Variants in CSTPP1 observed in about 807,000 individuals in gnomAD.
The protein encoded by CSTPP1 is centriolar satellite-associated tubulin polyglutamylase complex regulator 1.
the CSTPP1 span, among the ~76,000 whole-genome samples, chr11:47,073,723 G>T: frequency 6.6e-6 from 1 of 152,168 alleles, no homozygotes; most frequent in East Asian, 1.9e-4. Flanking sequence ...AATATGATTT[G>T]TGATGGAGAA....
At chr11:47,102,486 C>T in the CSTPP1 span, among the ~76,000 whole-genome samples, 2 of 127,054 alleles carry the variant, frequency 1.6e-5, no homozygotes, top group South Asian at 4.9e-4. Context: ...CTTTGGGAGG[C>T]AAAAAAAAAA....
chr11:47,093,679 G>A, the CSTPP1 span, among the ~76,000 whole-genome samples: 1 of 152,100 alleles, frequency 6.6e-6, no homozygotes, highest in African/African-American at 2.4e-5. Context: ...CTTGGTCTTG[G>A]GTAAGTTCCT....
the CSTPP1 span, among the ~76,000 whole-genome samples, chr11:47,021,923 G>A: frequency 6.6e-6 from 1 of 152,082 alleles, no homozygotes; most frequent in Non-Finnish European, 1.5e-5. Context: ...TCTTCTGAGA[G>A]TTGTGGCCCA....
the CSTPP1 span, among the ~76,000 whole-genome samples, chr11:47,030,806 G>GATA: frequency 2.0e-5 from 3 of 152,128 alleles, no homozygotes; most frequent in Non-Finnish European, 2.9e-5. Flanking sequence ...GTTTGCTAAG[G>GATA]ATAATGGCCT....
the CSTPP1 span, among the ~76,000 whole-genome samples, chr11:47,002,546 C>T: frequency 6.6e-6 from 1 of 152,272 alleles, no homozygotes; most frequent in African/African-American, 2.4e-5. Flanking sequence ...GGTCCCTTGA[C>T]TCGTTTAGAA....
the CSTPP1 span, among the ~76,000 whole-genome samples, chr11:47,037,968 C>G: frequency 8.0e-6 from 1 of 125,436 alleles, no homozygotes; most frequent in African/African-American, 2.5e-5. Context: ...GGCGGCCGGG[C>G]AGAGGGCTGA....
chr11:46,952,102 C>A, the CSTPP1 span, among the ~76,000 whole-genome samples: 1 of 152,222 alleles, frequency 6.6e-6, no homozygotes, highest in African/African-American at 2.4e-5. Flanking sequence ...CCCCTCCCTC[C>A]CAGTGCAATG....
the CSTPP1 span, among the ~76,000 whole-genome samples, chr11:47,049,731 G>A: frequency 6.6e-6 from 1 of 151,722 alleles, no homozygotes; most frequent in Non-Finnish European, 1.5e-5. Flanking sequence ...CTGGGCTCAA[G>A]CGATCCTCCA....
At chr11:47,125,949 A>T in the CSTPP1 span, among the ~76,000 whole-genome samples, 1 of 151,950 alleles carries the variant, frequency 6.6e-6, no homozygotes, top group Non-Finnish European at 1.5e-5. Flanking sequence ...CCCAGGAGGC[A>T]GAGGTTGTAG....
chr11:46,944,008 G>A, the CSTPP1 span, among the ~76,000 whole-genome samples: 1 of 151,842 alleles, frequency 6.6e-6, no homozygotes, highest in Admixed American at 6.6e-5. Flanking sequence ...GTGACAAAGT[G>A]AGACCCTTTC....
the CSTPP1 span, among the ~76,000 whole-genome samples, chr11:47,108,440 G>C: frequency 1.3e-5 from 2 of 152,180 alleles, no homozygotes; most frequent in Non-Finnish European, 2.9e-5. Flanking sequence ...AAGTCCATCT[G>C]TTTATCCAGT....
At chr11:47,128,855 A>T in the CSTPP1 span, among the ~76,000 whole-genome samples, 1 of 152,180 alleles carries the variant, frequency 6.6e-6, no homozygotes, top group South Asian at 2.1e-4. Flanking sequence ...TTTCTCTATC[A>T]TGATGTGTCT....
chr11:47,112,093 T>C, the CSTPP1 span, among the ~76,000 whole-genome samples: 2 of 152,152 alleles, frequency 1.3e-5, no homozygotes, highest in African/African-American at 4.8e-5. Context: ...CTGCCTGGAA[T>C]GCTCTTCCCT....
At chr11:47,151,928 A>G in the CSTPP1 span, among the ~76,000 whole-genome samples, 322 of 152,088 alleles carry the variant, frequency 2.1e-3, no homozygotes, top group African/African-American at 7.5e-3. Context: ...ACCCACCCGT[A>G]GGACTGTTGT....
chr11:47,015,399 G>C, the CSTPP1 span, among the ~76,000 whole-genome samples: 1 of 151,938 alleles, frequency 6.6e-6, no homozygotes, highest in Non-Finnish European at 1.5e-5. Context: ...ACTTGAACTC[G>C]GGAGGAGGAG....
the CSTPP1 span, among the ~76,000 whole-genome samples, chr11:47,076,921 C>T: frequency 7.3e-6 from 1 of 137,358 alleles, no homozygotes; most frequent in Admixed American, 7.4e-5. Flanking sequence ...GTTGAAAGAT[C>T]AAGAAATTAC....
the CSTPP1 span, among the ~76,000 whole-genome samples, chr11:46,973,794 GTGTGTCTGTGTGTGTC>G: frequency 3.3e-5 from 5 of 151,602 alleles, no homozygotes; most frequent in South Asian, 2.1e-4. Context: ...GTGTGTGTGT[GTGTGTCTGTGTGTGTC>G]TGTGTGTCTG....
the CSTPP1 span, among the ~76,000 whole-genome samples, chr11:47,158,343 G>GAA: frequency 2.1e-3 from 315 of 150,066 alleles, 1 homozygote; most frequent in African/African-American, 5.2e-3. Flanking sequence ...TTTCCAAGCT[G>GAA]AAAAAAAAAA....
chr11:47,032,897 A>G, the CSTPP1 span, among the ~76,000 whole-genome samples: 11,115 of 152,276 alleles, frequency 0.073, 570 homozygotes, highest in Non-Finnish European at 0.11. Context: ...CTGATAGTCT[A>G]CTATTGACCT....
Sources: allele counts gnomAD v4.1 joint callset (sites outside exome capture counted in the v4.1 genomes callset), GRCh38; gene constraint gnomAD v4.1.1; transcripts MANE v1.5; gene names NCBI Gene and HGNC (gene_info 2026-07-23, HGNC 2026-07-21).